Variants in ENTREP2 observed in about 807,000 individuals in gnomAD.
The protein encoded by ENTREP2 is protein ENTREP2.
At chr15:29,463,962 G>A in the ENTREP2 span, among the ~76,000 whole-genome samples, 3 of 152,234 alleles carry the variant, frequency 2.0e-5, no homozygotes, top group South Asian at 4.2e-4. Context: ...GCCATGAAAC[G>A]ACACATACTG....
At chr15:29,656,474 G>A in the ENTREP2 span, among the ~76,000 whole-genome samples, 1 of 152,200 alleles carries the variant, frequency 6.6e-6, no homozygotes, top group Non-Finnish European at 1.5e-5. Context: ...CAATCTGCCT[G>A]CCTCAGCCTC....
chr15:29,673,403 T>C, the ENTREP2 span, among the ~76,000 whole-genome samples: 4 of 152,080 alleles, frequency 2.6e-5, no homozygotes, highest in African/African-American at 9.7e-5. Flanking sequence ...ATGGAGTCGC[T>C]GTGGTTCAAA....
the ENTREP2 span, among the ~76,000 whole-genome samples, chr15:29,629,878 A>G: frequency 5.6e-4 from 85 of 152,144 alleles, no homozygotes; most frequent in Non-Finnish European, 1.1e-3. Context: ...GCACTTCAGG[A>G]GGCCAAAGCA....
chr15:29,221,719 T>C, the ENTREP2 span, among the ~76,000 whole-genome samples: 1 of 152,088 alleles, frequency 6.6e-6, no homozygotes, highest in East Asian at 1.9e-4. Flanking sequence ...TTTCATTAAT[T>C]AGCACGGTCA....
the ENTREP2 span, among the ~76,000 whole-genome samples, chr15:29,245,243 A>G: frequency 6.6e-6 from 1 of 152,224 alleles, no homozygotes; most frequent in Non-Finnish European, 1.5e-5. Context: ...CCTAGGACTA[A>G]ATTTGAAACA....
At chr15:29,439,283 T>TCA in the ENTREP2 span, among the ~76,000 whole-genome samples, 1 of 68,608 alleles carries the variant, frequency 1.5e-5, no homozygotes, top group African/African-American at 6.4e-5. Context: ...AAAATTGGAA[T>TCA]TACACACACA....
the ENTREP2 span, among the ~76,000 whole-genome samples, chr15:29,656,869 A>AC: frequency 6.6e-6 from 1 of 151,990 alleles, no homozygotes. Flanking sequence ...TGAACTGAAA[A>AC]CTCATCTTCA....
the ENTREP2 span, among the ~76,000 whole-genome samples, chr15:29,574,994 T>C: frequency 7.8e-3 from 1,185 of 152,282 alleles, 12 homozygotes; most frequent in African/African-American, 0.027. Flanking sequence ...ACACCAAGCC[T>C]AGATGCAATA....
chr15:29,611,762 CG>C, the ENTREP2 span, among the ~76,000 whole-genome samples: 1 of 152,150 alleles, frequency 6.6e-6, no homozygotes, highest in East Asian at 1.9e-4. Context: ...AGAGTTTGTT[CG>C]GTGAATGAAT....
At chr15:29,477,300 G>A in the ENTREP2 span, among the ~76,000 whole-genome samples, 1 of 152,292 alleles carries the variant, frequency 6.6e-6, no homozygotes, top group South Asian at 2.1e-4. Flanking sequence ...TGCAACTGAT[G>A]TTCTGCCTTT....
the ENTREP2 span, among the ~76,000 whole-genome samples, chr15:29,593,270 C>A: frequency 6.6e-6 from 1 of 152,182 alleles, no homozygotes; most frequent in Admixed American, 6.5e-5. Context: ...CTTGGCTCAC[C>A]TCCTGTGCCA....
the ENTREP2 span, among the ~76,000 whole-genome samples, chr15:29,151,164 CAT>C: frequency 3.9e-5 from 6 of 152,128 alleles, no homozygotes; most frequent in Non-Finnish European, 8.8e-5. Context: ...CATATTATAA[CAT>C]GTGTTAGTGA....
chr15:29,362,489 C>T, the ENTREP2 span, among the ~76,000 whole-genome samples: 1 of 151,106 alleles, frequency 6.6e-6, no homozygotes, highest in East Asian at 2.0e-4. Flanking sequence ...ATTCTCCTGC[C>T]TCAGCCTCCA....
the ENTREP2 span, among the ~76,000 whole-genome samples, chr15:29,215,226 G>C: frequency 6.6e-6 from 1 of 152,056 alleles, no homozygotes; most frequent in African/African-American, 2.4e-5. Context: ...TGAATTGAAG[G>C]ATACAAAGTA....
chr15:29,390,698 C>T, the ENTREP2 span, among the ~76,000 whole-genome samples: 1 of 152,168 alleles, frequency 6.6e-6, no homozygotes, highest in Non-Finnish European at 1.5e-5. Flanking sequence ...ACACAGAGGT[C>T]TGGAATAAAT....
chr15:29,283,023 G>A, the ENTREP2 span, among the ~76,000 whole-genome samples: 1 of 152,192 alleles, frequency 6.6e-6, no homozygotes, highest in Non-Finnish European at 1.5e-5. Flanking sequence ...ACAGGGAGCT[G>A]GGACCAAAGA....
the ENTREP2 span, among the ~76,000 whole-genome samples, chr15:29,134,156 A>G: frequency 1.3e-5 from 2 of 152,116 alleles, no homozygotes; most frequent in Non-Finnish European, 2.9e-5. Context: ...CACTGATAAC[A>G]TTGATTTGAA....
chr15:29,657,178 G>C, the ENTREP2 span, among the ~76,000 whole-genome samples: 1 of 151,752 alleles, frequency 6.6e-6, no homozygotes, highest in East Asian at 1.9e-4. Context: ...CTCCTGAGCA[G>C]CTGGGACTAC....
chr15:29,442,706 G>A, the ENTREP2 span, among the ~76,000 whole-genome samples: 1 of 152,174 alleles, frequency 6.6e-6, no homozygotes, highest in African/African-American at 2.4e-5. Context: ...ATAATATGGA[G>A]GGTCCCCGTG....
Sources: gnomAD v4.1 joint callset for allele counts (sites outside exome capture counted in the v4.1 genomes callset) on GRCh38, gnomAD v4.1.1 for gene constraint, MANE v1.5 for transcripts, NCBI Gene and HGNC (gene_info 2026-07-23, HGNC 2026-07-21) for gene names.